MMP26: variants seen among roughly 807,000 people sequenced by gnomAD.
MMP26 encodes the protein matrix metalloproteinase-26.
Under a neutral mutation model 31.0 loss-of-function variants are expected in MMP26, and 33 were observed. The ratio of observed to expected loss-of-function variants is 1.06; its 90% CI spans 0.81 to 1.42. MMP26 has a LOEUF of 1.42. Among genes scored for constraint, MMP26 ranks in the 40% most tolerant of loss-of-function variants. The probability of loss-of-function intolerance (pLI) is 0.00; values close to 1 mark genes in which losing one functional copy is unlikely to be tolerated. For synonymous variants in MMP26, 122 were observed against 114.9 expected (o/e 1.06, Z -0.40); for missense variants, 347 against 316.1 (o/e 1.10, Z -0.74).
chr11:4,728,515 T>A (rs1848132347), intron 1 of MMP26, among the ~76,000 whole-genome samples: 1 of 152,210 alleles, frequency 6.6e-6, no homozygotes, highest in South Asian at 2.1e-4. Context: ...ACTTGTGGCC[T>A]CTGTTATAAG....
chr11:4,967,495 T>G (rs1033430029), intron 2 of MMP26, among the ~76,000 whole-genome samples: 2 of 152,198 alleles, frequency 1.3e-5, no homozygotes, highest in African/African-American at 4.8e-5. Context: ...CCTAGAGATT[T>G]GTGTGAATTT....
At chr11:4,849,791 T>G (rs1849948124) in intron 2 of MMP26, among the ~76,000 whole-genome samples, 1 of 152,188 alleles carries the variant, frequency 6.6e-6, no homozygotes. Context: ...TTTCAGAATT[T>G]AGCCTTTTAC....
At chr11:4,710,056 T>A (rs1265368812) in intron 1 of MMP26, 2 of 456,664 alleles carry the variant, frequency 4.4e-6, no homozygotes, top group Non-Finnish European at 8.8e-6. Flanking sequence ...CCTCTACTCC[T>A]GCTCCTTAAG....
At chr11:4,896,352 T>A (rs1564802331) in intron 2 of MMP26, among the ~76,000 whole-genome samples, 1 of 152,102 alleles carries the variant, frequency 6.6e-6, no homozygotes, top group Non-Finnish European at 1.5e-5. Context: ...ATCTTCTGAG[T>A]TTTCCTCTCA....
intron 1 of MMP26, chr11:4,719,635 G>A (rs1429413601): frequency 1.3e-5 from 2 of 152,174 alleles, no homozygotes; most frequent in Non-Finnish European, 2.9e-5. Context: ...AGGTTAATAT[G>A]TTTAGACTCA....
intron 2 of MMP26, among the ~76,000 whole-genome samples, chr11:4,874,338 A>C (rs1589925976): frequency 6.6e-6 from 1 of 151,950 alleles, no homozygotes; most frequent in Admixed American, 6.6e-5. Flanking sequence ...ACTTTTTTCC[A>C]TCTTGTTCAT....
chr11:4,899,858 C>T (rs2133557466), intron 2 of MMP26, among the ~76,000 whole-genome samples: 1 of 152,080 alleles, frequency 6.6e-6, no homozygotes, highest in East Asian at 1.9e-4. Flanking sequence ...AAAATGAGGA[C>T]CTTTAGCTCA....
chr11:4,920,015 C>T (rs1851159187), intron 2 of MMP26, among the ~76,000 whole-genome samples: 1 of 150,082 alleles, frequency 6.7e-6, no homozygotes, highest in African/African-American at 2.4e-5. Context: ...GTAATTAGAA[C>T]TGAAAAGGAG....
chr11:4,858,313 A>T (rs1375133613), intron 2 of MMP26, among the ~76,000 whole-genome samples: 1 of 152,224 alleles, frequency 6.6e-6, no homozygotes, highest in Non-Finnish European at 1.5e-5. Context: ...ACATGATTGC[A>T]TATTTAGAAA....
Position 4,990,732 on chromosome 11 carries a change from C to G in MMP26, c.455C>G (p.Ser152Cys). Residue 152 changes from serine (S) to cysteine (C), a missense_variant, in exon 5 of 8, where the codon TCT (serine) becomes TGT (cysteine). Physicochemically the swap from Ser to Cys is moderately radical, Grantham distance 112. Transcript: ENST00000380390. Reference protein sequence around the residue: ...VQNGDADIKVSFWQWAHEDGW... With the variant: ...VQNGDADIKVCFWQWAHEDGW... ...AATGGAGATGCAGACATCAAGGTTT[C>G]TTTCTGGCAGTGGGGTAAGAAATTG... The G allele has an allele frequency of 1.2e-6, 2 of 1,614,036 alleles. No homozygotes were observed. The highest frequency in any genetic ancestry group is 1.7e-6 in the Non-Finnish European group (2 of 1,179,950).
At chr11:4,847,388 T>C (rs1157179571) in intron 2 of MMP26, 1 of 152,234 alleles carries the variant, frequency 6.6e-6, no homozygotes, top group Non-Finnish European at 1.5e-5. Context: ...CAGATAATTA[T>C]AGTTAAGTTT....
At chr11:4,793,085 G>A (rs569954114) in intron 2 of MMP26, among the ~76,000 whole-genome samples, 1 of 152,116 alleles carries the variant, frequency 6.6e-6, no homozygotes, top group Non-Finnish European at 1.5e-5. Context: ...ATTTGAATGG[G>A]CGGGTGTGTT....
At chr11:4,835,849 A>G (rs1849711393) in intron 2 of MMP26, among the ~76,000 whole-genome samples, 1 of 152,330 alleles carries the variant, frequency 6.6e-6, no homozygotes, top group African/African-American at 2.4e-5. Flanking sequence ...AAGTTTAAAT[A>G]TAGTTACTGT....
At chr11:4,869,623 C>G (rs1850284096) in intron 2 of MMP26, among the ~76,000 whole-genome samples, 1 of 152,122 alleles carries the variant, frequency 6.6e-6, no homozygotes, top group Non-Finnish European at 1.5e-5. Flanking sequence ...GTTGGTGGGA[C>G]TGTAAACTGG....
chr11:4,967,806 TA>T (rs1846616883), intron 2 of MMP26, among the ~76,000 whole-genome samples: 1 of 152,136 alleles, frequency 6.6e-6, no homozygotes, highest in Admixed American at 6.5e-5. Context: ...GAATAGTCAA[TA>T]AAAGTTTCCA....
intron 1 of MMP26, among the ~76,000 whole-genome samples, chr11:4,742,645 G>T (rs1490037559): frequency 6.6e-6 from 1 of 152,074 alleles, no homozygotes; most frequent in African/African-American, 2.4e-5. Context: ...TTTTCTTGGA[G>T]AATCTTGGGT....
In MMP26 at chr11:4,859,880, C is replaced by A. The variant is rs183742986; in HGVS notation, c.-145+92539C>A. 78 of 471,034 alleles carry A rather than the reference C, an allele frequency of 1.7e-4. 1 individual carries two copies. Among genetic ancestry groups the A allele is most frequent in the African/African-American group, 1.5e-3 (73 of 50,142 alleles). 29.2% of individuals were successfully genotyped at this position (471,034 alleles called of 1,614,324 possible). ...AGCCTTTCACCTCTGGAGACAATGC[C>A]CAGCACAGTCTTCAGGGTGAGTACA... On this transcript the variant is annotated intron_variant, in intron 2 of 7. Coordinates refer to ENST00000380390, the MANE Select transcript of MMP26 (RefSeq NM_021801.5).
At chr11:4,828,036 T>C (rs369421718) in intron 2 of MMP26, among the ~76,000 whole-genome samples, 34 of 152,166 alleles carry the variant, frequency 2.2e-4, no homozygotes, top group Admixed American at 1.0e-3. Flanking sequence ...TCCATTATGA[T>C]TGTGGACTGA....
chr11:4,805,718 C>T (rs1323296439), intron 2 of MMP26, among the ~76,000 whole-genome samples: 1 of 152,036 alleles, frequency 6.6e-6, no homozygotes, highest in Non-Finnish European at 1.5e-5. Flanking sequence ...TTCTAAATAC[C>T]CAGACAGAGC....
Sources: gnomAD v4.1 joint callset for allele counts (sites outside exome capture counted in the v4.1 genomes callset) on GRCh38, gnomAD v4.1.1 for gene constraint, MANE v1.5 for transcripts, NCBI Gene and HGNC (gene_info 2026-07-23, HGNC 2026-07-21) for gene names.